CRYM: variants seen among roughly 807,000 people sequenced by gnomAD.
CRYM encodes the protein ketimine reductase mu-crystallin.
A neutral mutation model predicts 32.9 loss-of-function variants in CRYM; 18 were observed. The observed-to-expected ratio is 0.55, with a 90% confidence interval of 0.38 to 0.81. The LOEUF (loss-of-function observed/expected upper bound fraction) is 0.81. Among genes scored for constraint, CRYM ranks in the 30% least tolerant of loss-of-function variants. CRYM has a pLI of 0.00. For missense variants in CRYM, 337 were observed against 393.5 expected (o/e 0.86, Z 1.21); for synonymous variants, 153 against 152.4 (o/e 1.00, Z -0.03).
chr16:21,298,648 T>C (rs1960835959), intron 1 of CRYM, among the ~76,000 whole-genome samples: 1 of 152,178 alleles, frequency 6.6e-6, no homozygotes, highest in African/African-American at 2.4e-5. Context: ...AGGGAATTGC[T>C]CAAATAACAA....
intron 1 of CRYM, among the ~76,000 whole-genome samples, chr16:21,285,422 T>C (rs375826920): frequency 6.6e-5 from 10 of 152,366 alleles, no homozygotes; most frequent in African/African-American, 2.4e-4. Context: ...CAAAATATAC[T>C]GAGGCTCGTG....
Position 21,278,145 on chromosome 16 carries a change from C to T in CRYM, c.107G>A (p.Ser36Asn). The change falls in exon 1 of 8, where the codon AGC (serine) becomes AAC (asparagine). Residue 36 changes from serine to asparagine, a missense_variant. Transcript: ENST00000572914. ...CTGCATGACCCCTCCTTCGGGACCG[C>T]TGGAGAAGTTGGCCAGGGCCGTCTC... ...PLETALANFSSGPEGGVMQPV... is the reference protein window; with the variant it reads ...PLETALANFSNGPEGGVMQPV... 6.4e-7 allele frequency: 1 copy of T among 1,551,548 alleles called. No individual in the cohort carries two copies. Among genetic ancestry groups the T allele is most frequent in the African/African-American group, 1.4e-5 (1 of 73,204 alleles).
intron 7 of CRYM, among the ~76,000 whole-genome samples, chr16:21,260,097 G>C (rs1308989584): frequency 2.6e-5 from 4 of 152,146 alleles, no homozygotes; most frequent in Non-Finnish European, 5.9e-5. Flanking sequence ...GCAAGGCATG[G>C]ATACTTAACC....
intron 1 of CRYM, among the ~76,000 whole-genome samples, chr16:21,292,511 G>T (rs780723605): frequency 6.6e-6 from 1 of 152,006 alleles, no homozygotes; most frequent in East Asian, 1.9e-4. Flanking sequence ...TGATTTATAC[G>T]CTCAAAACAA....
chr16:21,264,496 G>GT (rs1287013618), intron 5 of CRYM, among the ~76,000 whole-genome samples: 1 of 152,190 alleles, frequency 6.6e-6, no homozygotes, highest in Non-Finnish European at 1.5e-5. Flanking sequence ...TTGACAGGGT[G>GT]TGGGGGCAGG....
At position 21,277,705 on chromosome 16, in the gene CRYM, C is replaced by A; in HGVS notation, c.171-121G>T. Reference sequence around the variant, plus strand: ...CCACCCCACTGGCCCTCTTCCAGCCCCCGCATCCCTCTGCCCTTCCCTTAG... The same window carrying A: ...CCACCCCACTGGCCCTCTTCCAGCCACCGCATCCCTCTGCCCTTCCCTTAG... On this transcript the variant is annotated intron_variant, in intron 1 of 7. Coordinates refer to ENST00000572914, the MANE Select transcript of CRYM (RefSeq NM_001376256.1). This position sits in a 1 kb window ranked among gnomAD's most constrained non-coding sequence, Gnocchi z 4.2. The A allele has an allele frequency of 9.2e-7, 1 of 1,081,280 alleles. No individual in the cohort carries two copies. Among genetic ancestry groups the A allele is most frequent in the Non-Finnish European group, 1.4e-6 (1 of 734,772 alleles). 67.0% of individuals were successfully genotyped at this position (1,081,280 alleles called of 1,614,324 possible).
At chr16:21,290,329 C>T (rs1471710065) in intron 1 of CRYM, among the ~76,000 whole-genome samples, 1 of 151,994 alleles carries the variant, frequency 6.6e-6, no homozygotes, top group Non-Finnish European at 1.5e-5. Context: ...GACAAACAAC[C>T]TGGATGTGCC....
At chr16:21,300,820 G>C (rs541768515) in intron 1 of CRYM, 1 of 152,340 alleles carries the variant, frequency 6.6e-6, no homozygotes, top group African/African-American at 2.4e-5. Flanking sequence ...CAGAAGCTGC[G>C]ATTCTAAACA....
intron 2 of CRYM, 57 bp from the exon 3 acceptor site, chr16:21,275,651 G>A: frequency 2.9e-6 from 4 of 1,380,084 alleles, no homozygotes; most frequent in Non-Finnish European, 4.1e-6. Context: ...GCATAAATTA[G>A]AAGAAACAGT....
intron 5 of CRYM, among the ~76,000 whole-genome samples, chr16:21,262,595 G>C (rs1424991258): frequency 6.6e-6 from 1 of 151,980 alleles, no homozygotes; most frequent in Non-Finnish European, 1.5e-5. Context: ...CTCCAGCCTG[G>C]GCAACAGAGT....
intron 1 of CRYM, among the ~76,000 whole-genome samples, chr16:21,287,298 C>G (rs1394025696): frequency 6.6e-6 from 1 of 152,110 alleles, no homozygotes; most frequent in Non-Finnish European, 1.5e-5. Context: ...GTTTTCCAAA[C>G]AACCATAAGA....
upstream of CRYM, chr16:21,278,292 A>G: frequency 6.4e-7 from 1 of 1,557,374 alleles, no homozygotes; most frequent in Non-Finnish European, 8.6e-7. Flanking sequence ...CCGCACCGCG[A>G]TCCACGTACC....
intron 1 of CRYM, among the ~76,000 whole-genome samples, chr16:21,302,689 G>C (rs546549708): frequency 4.9e-4 from 75 of 152,286 alleles, no homozygotes; most frequent in Admixed American, 9.8e-4. Flanking sequence ...TTGGCTCTCA[G>C]GGAAGTTAGG....
At chr16:21,276,809 C>T (rs940554815) in intron 2 of CRYM, among the ~76,000 whole-genome samples, 3 of 152,088 alleles carry the variant, frequency 2.0e-5, no homozygotes, top group Non-Finnish European at 4.4e-5. Context: ...ACATAAACCT[C>T]GGTAAGTTGA....
In CRYM at chr16:21,273,461, T is replaced by C. The variant is rs367724503; in HGVS notation, c.387+2071A>G. Reference sequence around the variant, plus strand: ...TGATTCTTCTGGGAGCACAGATTTTTATTAATGCAACAAAGCAGTGTTATT... The same window carrying C: ...TGATTCTTCTGGGAGCACAGATTTTCATTAATGCAACAAAGCAGTGTTATT... On this transcript the variant is annotated intron_variant, in intron 3 of 7. Coordinates refer to ENST00000572914, the MANE Select transcript of CRYM (RefSeq NM_001376256.1). 2.2e-4 allele frequency among the ~76,000 whole-genome samples: 34 copies of C among 152,372 alleles called. No homozygotes were observed. In the East Asian group the frequency reaches 6.6e-3, roughly 29 times the overall value.
intron 1 of CRYM, among the ~76,000 whole-genome samples, chr16:21,296,172 G>A (rs758910478): frequency 1.2e-4 from 19 of 152,080 alleles, no homozygotes; most frequent in Non-Finnish European, 2.2e-4. Flanking sequence ...TCTTGACCTC[G>A]AGTGATCCAC....
Position 21,277,601 on chromosome 16 carries a change from A to G in CRYM, c.171-17T>C, listed in dbSNP as rs1363488333. On this transcript the variant is annotated splice_polypyrimidine_tract_variant and intron_variant, in intron 1 of 7. Coordinates refer to ENST00000572914, the MANE Select transcript of CRYM (RefSeq NM_001376256.1). This position sits in a 1 kb window ranked among gnomAD's most constrained non-coding sequence, Gnocchi z 4.2. The stretch of plus-strand genomic sequence containing the variant: ...CCCAGGTAGCTACAAGGAGAGAGGG[A>G]GCAGCTTCAGCCCCTTCCCATCAAT... The G allele has an allele frequency of 3.1e-6, 5 of 1,613,112 alleles. No individual in the cohort carries two copies. Among genetic ancestry groups the G allele is most frequent in the Non-Finnish European group, 4.2e-6 (5 of 1,179,952 alleles).
intron 1 of CRYM, among the ~76,000 whole-genome samples, chr16:21,302,012 G>A (rs2152866456): frequency 6.6e-6 from 1 of 152,296 alleles, no homozygotes; most frequent in African/African-American, 2.4e-5. Context: ...CCAAAAGGGC[G>A]ACCCCCAAAC....
intron 1 of CRYM, among the ~76,000 whole-genome samples, chr16:21,288,384 T>C (rs2093410848): frequency 6.6e-6 from 1 of 152,238 alleles, no homozygotes; most frequent in Non-Finnish European, 1.5e-5. Flanking sequence ...ATGAATTGTG[T>C]CCTTTTCATC....
Sources: allele counts gnomAD v4.1 joint callset (sites outside exome capture counted in the v4.1 genomes callset), GRCh38; gene constraint gnomAD v4.1.1; non-coding constraint Gnocchi (gnomAD v3.1); transcripts MANE v1.5; gene names NCBI Gene and HGNC (gene_info 2026-07-23, HGNC 2026-07-21).